Variants in OR2A14 observed in about 807,000 individuals in gnomAD.
OR2A14 encodes olfactory receptor 2A14.
In OR2A14, 2 loss-of-function variants were observed where a neutral mutation model predicts 2.4. That is an observed-to-expected ratio of 0.85 (90% confidence interval 0.35 to 2.67). The LOEUF is 2.67. OR2A14 is among the 30% of genes most tolerant of loss of function. The pLI is 0.10. For missense variants in OR2A14, 390 were observed against 379.4 expected, an observed-to-expected ratio of 1.03 and a Z score of -0.23; for synonymous variants, 160 against 156.3, an observed-to-expected ratio of 1.02 and a Z score of -0.18.
At chr7:144,123,917 G>T (rs1466506969) in intron 1 of OR2A14, among the ~76,000 whole-genome samples, 2 of 152,002 alleles carry the variant, frequency 1.3e-5, no homozygotes, top group Non-Finnish European at 2.9e-5. Context: ...ATGATGACTG[G>T]ATCCAGACAT....
At chr7:144,127,405 C>T (rs2051489263) in intron 1 of OR2A14, among the ~76,000 whole-genome samples, 1 of 152,120 alleles carries the variant, frequency 6.6e-6, no homozygotes, top group African/African-American at 2.4e-5. Context: ...GGGATAAAAA[C>T]CTTAGAAATG....
chr7:144,130,067 G>A lies in OR2A14; in HGVS notation c.*22G>A. On this transcript the variant is annotated 3_prime_UTR_variant, in exon 2 of 2. Transcript: ENST00000641068. ...GTGAGACATCTCAAAGGGAACCATG[G>A]GGAGGGAGCCTTGCTCCCTGCAAAA... 1.9e-6 allele frequency: 3 copies of A among 1,587,116 alleles called. No homozygotes were observed. The highest frequency in any genetic ancestry group is 2.6e-6 in the Non-Finnish European group (3 of 1,164,542).
At chr7:144,125,830 C>T (rs371113421) in intron 1 of OR2A14, among the ~76,000 whole-genome samples, 6 of 152,096 alleles carry the variant, frequency 3.9e-5, no homozygotes, top group Non-Finnish European at 7.4e-5. Context: ...ACTATAAACC[C>T]AGATTTGCTT....
Position 144,129,785 on chromosome 7 carries a change from T to A in OR2A14, c.673T>A (p.Leu225Met). Residue 225 changes from leucine to methionine, a missense_variant, in exon 2 of 2, where the codon TTG becomes ATG. Coordinates refer to ENST00000641068, the MANE Select transcript of OR2A14 (RefSeq NM_001001659.3). ...VSYLRILAAILRIQSGEGRRK... is the reference protein window; with the variant it reads ...VSYLRILAAIMRIQSGEGRRK... ...CTACTTGCGCATCCTGGCCGCCATC[T>A]TGAGGATCCAGTCTGGGGAGGGCCG... 1 of 1,614,074 alleles carries A rather than the reference T, an allele frequency of 6.2e-7. No homozygotes were observed. Among genetic ancestry groups the A allele is most frequent in the Non-Finnish European group, 8.5e-7 (1 of 1,180,018 alleles).
intron 1 of OR2A14, 82 bp downstream of exon 1, chr7:144,123,346 C>T (rs1308684204): frequency 1.3e-5 from 2 of 152,192 alleles, no homozygotes; most frequent in Non-Finnish European, 1.5e-5. Flanking sequence ...ATCACTGGCT[C>T]CAGATAGTAG....
At position 144,129,287 on chromosome 7, in the gene OR2A14, T is replaced by C. The variant is rs778222895; in HGVS notation, c.175T>C (p.Tyr59His). 5 of 1,614,130 alleles carry C rather than the reference T, an allele frequency of 3.1e-6. No homozygotes were observed. Among genetic ancestry groups the C allele is most frequent in the Admixed American group, 3.3e-5 (2 of 60,010 alleles). ...GGACTGTAAGCTTCACACACCCATG[T>C]ACTTCTTCCTCTCACACCTGGCCAT... ...CLDCKLHTPM[Y>H]FFLSHLAIVD... is the part of the protein sequence containing the mutation. Residue 59 changes from tyrosine (Y) to histidine (H), a missense_variant, in exon 2 of 2, where the codon TAC becomes CAC. Coordinates refer to ENST00000641068, the MANE Select transcript of OR2A14 (RefSeq NM_001001659.3).
chr7:144,129,521 T>A lies in OR2A14; in HGVS notation c.409T>A (p.Trp137Arg), dbSNP rs2051512410. ...CTTACGTTACAATAGCCTCATGAGC[T>A]GGAGAGTGTGCACTGTCCTGGCTGT... ...HPLRYNSLMS[W>R]RVCTVLAVAS... Residue 137 changes from tryptophan (W) to arginine (R), a missense_variant, in exon 2 of 2, where the codon TGG becomes AGG. By Grantham distance (101) the Trp-to-Arg change is moderately radical (BLOSUM62 -3). Coordinates refer to ENST00000641068, the MANE Select transcript of OR2A14 (RefSeq NM_001001659.3). 2 of 1,614,056 alleles carry A rather than the reference T, an allele frequency of 1.2e-6. No individual in the cohort carries two copies. The highest frequency in any genetic ancestry group is 1.6e-4 in the Middle Eastern group (1 of 6,084).
rs370857116 is a variant in OR2A14 at position 144,129,085 on chromosome 7, C to T, written c.-28C>T. 11 of 1,578,230 alleles carry T rather than the reference C, an allele frequency of 7.0e-6. No individual in the cohort carries two copies. The African/African-American group carries it at 9.4e-5, about 14-fold the overall frequency. On this transcript the variant is annotated 5_prime_UTR_variant, in exon 2 of 2. Transcript: ENST00000641068. ...ATCTTTGACTGGCCCACAGCTCTGACCTTCCTGTCCTAGATGTCCACAAGA... is the reference window on the plus strand; with the variant it reads ...ATCTTTGACTGGCCCACAGCTCTGATCTTCCTGTCCTAGATGTCCACAAGA...
chr7:144,129,887 A>T lies in OR2A14; in HGVS notation c.775A>T (p.Met259Leu). ...LFFGSAIVTYMAPKSRHPEEQ... is the reference protein window; with the variant it reads ...LFFGSAIVTYLAPKSRHPEEQ... Reference sequence around the variant, plus strand: ...CTTTGGCAGCGCCATTGTCACGTACATGGCCCCCAAGTCCCGCCATCCTGA... The same window carrying T: ...CTTTGGCAGCGCCATTGTCACGTACTTGGCCCCCAAGTCCCGCCATCCTGA... Residue 259 changes from methionine to leucine, a missense_variant, in exon 2 of 2, where the codon ATG (methionine) becomes TTG (leucine). Met to Leu is a conservative substitution (Grantham distance 15). Transcript: ENST00000641068. 1 of 1,614,184 alleles carries T rather than the reference A, an allele frequency of 6.2e-7. No individual in the cohort carries two copies. Among genetic ancestry groups the T allele is most frequent in the Non-Finnish European group, 8.5e-7 (1 of 1,180,026 alleles).
At chr7:144,127,443 CT>C (rs1563053184) in intron 1 of OR2A14, among the ~76,000 whole-genome samples, 4 of 152,086 alleles carry the variant, frequency 2.6e-5, no homozygotes, top group African/African-American at 7.2e-5. Context: ...TGCAATTTCA[CT>C]TTTAGAATAT....
chr7:144,129,355 G>A lies in OR2A14; in HGVS notation c.243G>A (p.Leu81=). 1.2e-6 allele frequency: 2 copies of A among 1,614,168 alleles called. No homozygotes were observed. The highest frequency in any genetic ancestry group is 2.7e-5 in the African/African-American group (2 of 75,058). The change falls in exon 2 of 2, where the codon CTG becomes CTA. Residue 81 remains leucine, a synonymous_variant. Transcript: ENST00000641068. ...CTTCCAACTATGTCCCCAAGATGCT[G>A]ACGAATCTTATGAACCAGGAAAGCA... ...SYASNYVPKM[L]TNLMNQESTI...
Position 144,130,105 on chromosome 7 carries a change from C to CA in OR2A14, c.*60_*61insA, listed in dbSNP as rs1392701475. ...GCTCCCTGCAAAATATAGAAGTTGG[C>CA]TTTTTTTTTTTGTCTTCTGCTAGAA... On this transcript the variant is annotated 3_prime_UTR_variant, in exon 2 of 2. Coordinates refer to ENST00000641068, the MANE Select transcript of OR2A14 (RefSeq NM_001001659.3). 3.6e-6 allele frequency: 4 copies of CA among 1,096,990 alleles called. No homozygotes were observed. Among genetic ancestry groups the CA allele is most frequent in the Non-Finnish European group, 5.1e-6 (4 of 777,226 alleles). 68.0% of individuals were successfully genotyped at this position (1,096,990 alleles called of 1,614,324 possible). A position where few individuals can be genotyped will look rare whatever the true frequency, so the allele number is the denominator to read the frequency against.
At position 144,130,692 on chromosome 7, in the gene OR2A14, T is replaced by A. The variant is rs540803524; in HGVS notation, c.*647T>A. On this transcript the variant is annotated 3_prime_UTR_variant, in exon 2 of 2. Transcript: ENST00000641068. ...TATTTCTAATATTGGAAATGGTCGA[T>A]ACTAGCAGAGTTTGTGCCAATAGTA... The A allele has an allele frequency of 1.1e-3, 171 of 151,024 alleles. No homozygotes were observed. The highest frequency in any genetic ancestry group is 4.0e-3 in the African/African-American group (161 of 40,278). 9.4% of individuals were successfully genotyped at this position (151,024 alleles called of 1,614,324 possible).
rs923343573 is a variant in OR2A14 at position 144,130,871 on chromosome 7, C to T, written c.*826C>T. Reference sequence around the variant, plus strand: ...CAACTCTGACAAAAGCAGCCATAGACAATGTGTAAACAAATGGGTGTGCCC... The same window carrying T: ...CAACTCTGACAAAAGCAGCCATAGATAATGTGTAAACAAATGGGTGTGCCC... On this transcript the variant is annotated 3_prime_UTR_variant, in exon 2 of 2. Transcript: ENST00000641068. 2 of 152,178 alleles carry T rather than the reference C, an allele frequency of 1.3e-5. No homozygotes were observed. The highest frequency in any genetic ancestry group is 4.8e-5 in the African/African-American group (2 of 41,432). 9.4% of individuals were successfully genotyped at this position (152,178 alleles called of 1,614,324 possible). A position where few individuals can be genotyped will look rare whatever the true frequency, so the allele number is the denominator to read the frequency against.
chr7:144,126,803 G>A (rs1018513422), intron 1 of OR2A14, among the ~76,000 whole-genome samples: 7 of 152,018 alleles, frequency 4.6e-5, no homozygotes, highest in African/African-American at 1.7e-4. Flanking sequence ...TGAAAAGCAT[G>A]GTTTATATTT....
chr7:144,126,740 T>C (rs11763619), intron 1 of OR2A14, among the ~76,000 whole-genome samples: 23,146 of 152,080 alleles, frequency 0.15, 2,016 homozygotes, highest in Non-Finnish European at 0.2. Context: ...AGTTGAATAA[T>C]ACATGAAAGA....
At position 144,129,134 on chromosome 7, in the gene OR2A14, A is replaced by G. The variant is rs2051506540; in HGVS notation, c.22A>G (p.Ile8Val). 3.1e-6 allele frequency: 5 copies of G among 1,613,642 alleles called. No homozygotes were observed. Among genetic ancestry groups the G allele is most frequent in the Non-Finnish European group, 4.2e-6 (5 of 1,179,720 alleles). The change falls in exon 2 of 2, where the codon ATC (isoleucine) becomes GTC (valine). Residue 8 changes from isoleucine (I) to valine (V), a missense_variant. Physicochemically the swap from Ile to Val is conservative, Grantham distance 29. Coordinates refer to ENST00000641068, the MANE Select transcript of OR2A14 (RefSeq NM_001001659.3). MEGNKTWITDITLPRFQV... is the reference protein window; with the variant it reads MEGNKTWVTDITLPRFQV... ...GAGCATGGAAGGCAACAAGACATGG[A>G]TCACAGACATCACCTTGCCGCGATT...
rs945266518 is a variant in OR2A14, at chr7:144,129,465, C to T, written c.353C>T (p.Ser118Phe). 3 of 1,613,956 alleles carry T rather than the reference C, an allele frequency of 1.9e-6. No homozygotes were observed. Among genetic ancestry groups the T allele is most frequent in the Non-Finnish European group, 1.7e-6 (2 of 1,179,896 alleles). ...HVECLILVVM[S>F]YDRYADICHP... ...GAGTGTCTGATTTTGGTGGTGATGTCCTATGATCGCTATGCGGACATCTGC... is the reference window on the plus strand; with the variant it reads ...GAGTGTCTGATTTTGGTGGTGATGTTCTATGATCGCTATGCGGACATCTGC... The change falls in exon 2 of 2, where the codon TCC becomes TTC. Residue 118 changes from serine (S) to phenylalanine (F), a missense_variant. Transcript: ENST00000641068.
intron 1 of OR2A14, among the ~76,000 whole-genome samples, chr7:144,126,582 T>C (rs1268846988): frequency 1.3e-5 from 2 of 152,120 alleles, no homozygotes; most frequent in African/African-American, 4.8e-5. Context: ...GAGACCCCCC[T>C]CAAATCAAGT....
Sources: allele counts gnomAD v4.1 joint callset (sites outside exome capture counted in the v4.1 genomes callset), GRCh38; gene constraint gnomAD v4.1.1; transcripts MANE v1.5; gene names NCBI Gene and HGNC (gene_info 2026-07-23, HGNC 2026-07-21).